The following PSKH1 variants were observed in gnomAD, a reference collection of about 807,000 sequenced individuals.
The protein encoded by PSKH1 is serine/threonine-protein kinase H1.
PSKH1 carries 12 observed loss-of-function variants against 26.7 expected under a neutral mutation model. That is an observed-to-expected ratio of 0.45 (90% CI 0.29 to 0.73). PSKH1 has a LOEUF of 0.73. PSKH1 is among the 30% of genes least tolerant of loss of function. The pLI is 0.11. For synonymous variants in PSKH1, 213 were observed against 234.3 expected, an observed-to-expected ratio of 0.91 and a Z score of 0.83; for missense variants, 431 against 595.2, an observed-to-expected ratio of 0.72 and a Z score of 2.87.
chr16:67,902,959 C>T (rs1054181122), intron 1 of PSKH1: 8 of 152,046 alleles, frequency 5.3e-5, no homozygotes, highest in African/African-American at 1.9e-4. Context: ...TTCCACAGTC[C>T]GTAGTTCTAT....
At chr16:67,911,686 CA>C (rs1217087238) in intron 2 of PSKH1, among the ~76,000 whole-genome samples, 1 of 150,892 alleles carries the variant, frequency 6.6e-6, no homozygotes, top group Non-Finnish European at 1.5e-5. Flanking sequence ...CTGTCCCCCC[CA>C]AAAAAAAAGA....
intron 1 of PSKH1, among the ~76,000 whole-genome samples, chr16:67,897,588 G>T (rs758299784): frequency 6.6e-6 from 1 of 152,076 alleles, no homozygotes; most frequent in African/African-American, 2.4e-5. Flanking sequence ...TTTGTTTGTC[G>T]CAATCTCTGG....
At chr16:67,898,667 A>G (rs2058133423) in intron 1 of PSKH1, among the ~76,000 whole-genome samples, 1 of 140,302 alleles carries the variant, frequency 7.1e-6, no homozygotes, top group African/African-American at 2.7e-5. Flanking sequence ...TCTGTTGCCC[A>G]GGCTGGAGTG....
At chr16:67,925,675 T>C (rs1324368386) in intron 2 of PSKH1, among the ~76,000 whole-genome samples, 2 of 152,084 alleles carry the variant, frequency 1.3e-5, no homozygotes, top group Non-Finnish European at 2.9e-5. Flanking sequence ...CAGGAGTCAC[T>C]GGGTGCTGCT....
At chr16:67,904,721 A>G (rs1023792132) in intron 1 of PSKH1, among the ~76,000 whole-genome samples, 1 of 151,806 alleles carries the variant, frequency 6.6e-6, no homozygotes, top group Admixed American at 6.6e-5. Context: ...CACTCAAGCT[A>G]TCCCCCCACC....
At chr16:67,916,952 C>T (rs531575099) in intron 2 of PSKH1, among the ~76,000 whole-genome samples, 2 of 152,312 alleles carry the variant, frequency 1.3e-5, no homozygotes, top group East Asian at 3.9e-4. Context: ...CCCTAGACCC[C>T]ACCCCACTCC....
intron 2 of PSKH1, among the ~76,000 whole-genome samples, chr16:67,919,920 C>A (rs1158097085): frequency 2.0e-5 from 3 of 152,260 alleles, no homozygotes; most frequent in Non-Finnish European, 4.4e-5. Flanking sequence ...AAAGCAGCAA[C>A]TTCCCTGTAG....
At chr16:67,897,285 T>C (rs16957587) in intron 1 of PSKH1, among the ~76,000 whole-genome samples, 8,098 of 152,290 alleles carry the variant, frequency 0.053, 660 homozygotes, top group African/African-American at 0.18. Flanking sequence ...ACTTATTTAT[T>C]TGAACTCCCT....
rs1309365508 is a variant in PSKH1 at position 67,908,668 on chromosome 16, CTT to C, written c.-70-10_-70-9del. The C allele has an allele frequency of 1.2e-5, 15 of 1,228,174 alleles. No homozygotes were observed. Among genetic ancestry groups the C allele is most frequent in the Non-Finnish European group, 1.4e-5 (12 of 879,438 alleles). The allele number at this position is 1,228,174 out of a possible 1,614,324, so 76.1% of individuals were successfully genotyped here. On this transcript the variant is annotated splice_polypyrimidine_tract_variant and intron_variant, in intron 1 of 2. Coordinates refer to ENST00000291041, the MANE Select transcript of PSKH1 (RefSeq NM_006742.3). ...GCCTGGCTGTGCTGACTTGTTCTCT[CTT>C]TGTGTGTAGGTGTAGACGGGGCACT...
At chr16:67,915,027 T>C (rs2058183262) in intron 2 of PSKH1, among the ~76,000 whole-genome samples, 2 of 152,126 alleles carry the variant, frequency 1.3e-5, no homozygotes, top group Non-Finnish European at 2.9e-5. Flanking sequence ...TAACTGGCTA[T>C]TGATTACCTG....
At chr16:67,913,288 A>C (rs1250291196) in intron 2 of PSKH1, among the ~76,000 whole-genome samples, 2 of 151,994 alleles carry the variant, frequency 1.3e-5, no homozygotes, top group Non-Finnish European at 2.9e-5. Flanking sequence ...CTGGGACTAC[A>C]GGCATGCGCC....
intron 1 of PSKH1, among the ~76,000 whole-genome samples, chr16:67,901,666 G>A (rs1238304197): frequency 6.9e-6 from 1 of 144,088 alleles, no homozygotes; most frequent in African/African-American, 2.6e-5. Context: ...ACATGGTCTT[G>A]CTCTGTTGCC....
At chr16:67,921,512 T>C (rs2058202407) in intron 2 of PSKH1, among the ~76,000 whole-genome samples, 1 of 150,992 alleles carries the variant, frequency 6.6e-6, no homozygotes, top group South Asian at 2.1e-4. Context: ...GAGGCGGAGT[T>C]GCAGTTAGCT....
In PSKH1 at chr16:67,896,535, C is replaced by CTTTT. The variant is rs959626962; in HGVS notation, c.-71+3185_-71+3188dup. On this transcript the variant is annotated intron_variant, in intron 1 of 2. Transcript: ENST00000291041. ...GGGGAAAACTGACAATAGTGTGCTT[C>CTTTT]TTTTTTTTTTTTTTTTTTTTTTTTG... Among the ~76,000 whole-genome samples the CTTTT allele has an allele frequency of 6.8e-3, 547 of 80,904 alleles. 29 individuals carry two copies. Among genetic ancestry groups the CTTTT allele is most frequent in the African/African-American group, 0.022 (422 of 19,256 alleles). 53.1% of individuals were successfully genotyped at this position (80,904 alleles called of 152,430 possible). A position where few individuals can be genotyped will look rare whatever the true frequency, so the allele number is the denominator to read the frequency against.
chr16:67,921,471 A>G (rs1490300411), intron 2 of PSKH1, among the ~76,000 whole-genome samples: 2 of 151,978 alleles, frequency 1.3e-5, no homozygotes, highest in Non-Finnish European at 1.5e-5. Context: ...TCTACTTGGG[A>G]GGCCGAGGCA....
chr16:67,907,677 T>G (rs1007813695), intron 1 of PSKH1, among the ~76,000 whole-genome samples: 2 of 152,130 alleles, frequency 1.3e-5, no homozygotes, highest in Non-Finnish European at 2.9e-5. Flanking sequence ...GGGCCTTGTG[T>G]GGGATTTCAG....
Position 67,909,978 on chromosome 16 carries a change from AAGTC to A in PSKH1, c.957+276_957+279del. ...GGGAAAAGTGAGGCAGGAAGGGAGA[AAGTC>A]AGTAGAGTATATTGAGAAATGGACT... On this transcript the variant is annotated intron_variant, in intron 2 of 2. Coordinates refer to ENST00000291041, the MANE Select transcript of PSKH1 (RefSeq NM_006742.3). This position sits in a 1 kb window ranked among gnomAD's most constrained non-coding sequence, Gnocchi z 7.8. 1 of 556,420 alleles carries A rather than the reference AAGTC, an allele frequency of 1.8e-6. No individual in the cohort carries two copies. Among genetic ancestry groups the A allele is most frequent in the East Asian group, 2.8e-5 (1 of 35,842 alleles). 34.5% of individuals were successfully genotyped at this position (556,420 alleles called of 1,614,324 possible).
At position 67,909,744 on chromosome 16, in the gene PSKH1, G is replaced by A. The variant is rs778303110; in HGVS notation, c.957+38G>A. 4.5e-6 allele frequency: 7 copies of A among 1,571,514 alleles called. No homozygotes were observed. In the South Asian group the frequency reaches 7.9e-5, roughly 18 times the overall value. On this transcript the variant is annotated intron_variant, in intron 2 of 2. Coordinates refer to ENST00000291041, the MANE Select transcript of PSKH1 (RefSeq NM_006742.3). The surrounding 1 kb of genome is among the most constrained non-coding windows in gnomAD (Gnocchi z 7.8). ...TGCCCCTGTCCTGGATGTTGGGGAG[G>A]CACCTGCGGGGGCAGGTATATCCTG...
chr16:67,908,661 G>A lies in PSKH1; in HGVS notation c.-70-19G>A. ...AGAGTTGGCCTGGCTGTGCTGACTTGTTCTCTCTTTGTGTGTAGGTGTAGA... is the reference window on the plus strand; with the variant it reads ...AGAGTTGGCCTGGCTGTGCTGACTTATTCTCTCTTTGTGTGTAGGTGTAGA... On this transcript the variant is annotated intron_variant, in intron 1 of 2. Coordinates refer to ENST00000291041, the MANE Select transcript of PSKH1 (RefSeq NM_006742.3). 8.6e-7 allele frequency: 1 copy of A among 1,162,678 alleles called. No homozygotes were observed. The highest frequency in any genetic ancestry group is 1.2e-6 in the Non-Finnish European group (1 of 824,838). 72.0% of individuals were successfully genotyped at this position (1,162,678 alleles called of 1,614,324 possible). A position where few individuals can be genotyped will look rare whatever the true frequency, so the allele number is the denominator to read the frequency against.
Sources: gnomAD v4.1 joint callset for allele counts (sites outside exome capture counted in the v4.1 genomes callset) on GRCh38, gnomAD v4.1.1 for gene constraint, Gnocchi (gnomAD v3.1) non-coding constraint, MANE v1.5 for transcripts, NCBI Gene and HGNC (gene_info 2026-07-23, HGNC 2026-07-21) for gene names.